GRID2: variants seen among roughly 807,000 people sequenced by gnomAD.
GRID2 encodes glutamate ionotropic receptor delta type subunit 2.
Under a neutral mutation model 114.8 loss-of-function variants are expected in GRID2, and 33 were observed. That is an observed-to-expected ratio of 0.29 (90% CI 0.22 to 0.38). The LOEUF (loss-of-function observed/expected upper bound fraction) is 0.38, where lower values mean the gene tolerates loss of function less well. GRID2 is among the 10% of genes least tolerant of loss of function. The pLI is 1.00. For missense variants in GRID2, 1,184 were observed against 1,257.7 expected (o/e 0.94, Z 0.89); for synonymous variants, 505 against 449.9 (o/e 1.12, Z -1.55).
intron 2 of GRID2, among the ~76,000 whole-genome samples, chr4:92,781,768 G>A (rs74567883): frequency 0.01 from 1,517 of 151,530 alleles, 33 homozygotes; most frequent in African/African-American, 0.034. Context: ...ATATTTTTAC[G>A]CGTTACAATT....
intron 9 of GRID2, among the ~76,000 whole-genome samples, chr4:93,421,817 A>G (rs188816675): frequency 5.3e-5 from 8 of 149,968 alleles, no homozygotes; most frequent in Admixed American, 4.7e-4. Context: ...TATGAAGGCT[A>G]TTTTGTGAAT....
At chr4:93,756,933 G>T (rs1469899213) in intron 14 of GRID2, among the ~76,000 whole-genome samples, 1 of 152,114 alleles carries the variant, frequency 6.6e-6, no homozygotes, top group Non-Finnish European at 1.5e-5. Context: ...TGCATCAGAA[G>T]AAAAACATGC....
chr4:93,677,162 A>C (rs1724964954), intron 14 of GRID2, among the ~76,000 whole-genome samples: 3 of 152,164 alleles, frequency 2.0e-5, no homozygotes, highest in Admixed American at 6.5e-5. Context: ...ATGCCCACGG[A>C]GGCTCGCTGA....
chr4:92,848,765 A>G (rs565510000), intron 2 of GRID2, among the ~76,000 whole-genome samples: 1 of 152,040 alleles, frequency 6.6e-6, no homozygotes, highest in African/African-American at 2.4e-5. Flanking sequence ...TTAAGTTTAA[A>G]TGACACAGTT....
chr4:93,453,351 AGAGAGAGAGTGT>A (rs1034632756), intron 10 of GRID2, among the ~76,000 whole-genome samples: 2 of 108,028 alleles, frequency 1.9e-5, no homozygotes, highest in African/African-American at 5.8e-5. Flanking sequence ...AGAGAGAGAG[AGAGAGAGAGTGT>A]GTGTATTTGT....
At chr4:93,528,467 T>C (rs980990480) in intron 13 of GRID2, among the ~76,000 whole-genome samples, 2 of 151,976 alleles carry the variant, frequency 1.3e-5, no homozygotes, top group Non-Finnish European at 2.9e-5. Context: ...TTTTTGATAG[T>C]AGCCATCCTA....
intron 3 of GRID2, among the ~76,000 whole-genome samples, chr4:93,099,566 G>C (rs1292848905): frequency 6.6e-6 from 1 of 151,688 alleles, no homozygotes; most frequent in Non-Finnish European, 1.5e-5. Context: ...AGTATGCTGG[G>C]TAGATATGTA....
At chr4:92,730,453 A>G (rs948423884) in intron 2 of GRID2, among the ~76,000 whole-genome samples, 13 of 151,980 alleles carry the variant, frequency 8.6e-5, no homozygotes, top group African/African-American at 2.9e-4. Context: ...TAGATTAGGC[A>G]CACAAAAATT....
In GRID2 at chr4:93,123,079, C is replaced by T. The variant is rs922618138; in HGVS notation, c.735+12126C>T. Among the ~76,000 whole-genome samples, 21 of 151,898 alleles carry T rather than the reference C, an allele frequency of 1.4e-4. 1 individual carries two copies. In the South Asian group the frequency reaches 1.5e-3, roughly 11 times the overall value. ...CTGAACATGGAAACTAAGCAAAGAA[C>T]GGGTTTCCAATGAGTCTAAACTTCC... On this transcript the variant is annotated intron_variant, in intron 4 of 15. Transcript: ENST00000282020.
intron 8 of GRID2, among the ~76,000 whole-genome samples, chr4:93,394,671 C>T (rs1182897879): frequency 6.6e-6 from 1 of 151,950 alleles, no homozygotes; most frequent in East Asian, 1.9e-4. Flanking sequence ...AGATCTGTTA[C>T]ATTTTTAAGT....
rs150280751 is a variant in GRID2, at chr4:93,431,288, A to T, written c.1545+8320A>T. Among the ~76,000 whole-genome samples the T allele has an allele frequency of 2.9e-3, 440 of 152,292 alleles. 2 individuals carry two copies. The highest frequency in any genetic ancestry group is 1.0e-2 in the African/African-American group (414 of 41,568). ...GGAGGTATACATTTGGGAGTCAGCA[A>T]CCTGTGGGTGGTAGTTGAAATCATG... On this transcript the variant is annotated intron_variant, in intron 10 of 15. Transcript: ENST00000282020.
At chr4:93,206,321 G>T (rs1247865687) in intron 4 of GRID2, among the ~76,000 whole-genome samples, 1 of 151,790 alleles carries the variant, frequency 6.6e-6, no homozygotes, top group Non-Finnish European at 1.5e-5. Context: ...GTGATGCAAT[G>T]CACCTCTTAG....
At chr4:92,774,963 A>T (rs1738720266) in intron 2 of GRID2, among the ~76,000 whole-genome samples, 1 of 151,996 alleles carries the variant, frequency 6.6e-6, no homozygotes, top group South Asian at 2.1e-4. Context: ...TAATCTGTCC[A>T]TTATTTAGAG....
intron 4 of GRID2, among the ~76,000 whole-genome samples, chr4:93,126,911 A>C (rs1194082292): frequency 6.6e-6 from 1 of 152,040 alleles, no homozygotes; most frequent in Admixed American, 6.5e-5. Context: ...TGAAACAGTA[A>C]ATTTTTGTTC....
intron 1 of GRID2, among the ~76,000 whole-genome samples, chr4:92,561,113 T>C (rs1727085995): frequency 6.6e-6 from 1 of 152,210 alleles, no homozygotes; most frequent in Non-Finnish European, 1.5e-5. Context: ...TAGCACAGTC[T>C]TTCCCAAAAT....
chr4:92,604,919 G>A (rs976303838), intron 2 of GRID2, among the ~76,000 whole-genome samples: 1 of 152,020 alleles, frequency 6.6e-6, no homozygotes, highest in African/African-American at 2.4e-5. Flanking sequence ...ACCAAGTGGA[G>A]GTAATTGAAT....
intron 2 of GRID2, among the ~76,000 whole-genome samples, chr4:93,082,981 C>T (rs182123563): frequency 6.6e-6 from 1 of 152,234 alleles, no homozygotes; most frequent in East Asian, 1.9e-4. Flanking sequence ...TGTCATGTTA[C>T]ATGTGACAGA....
chr4:93,449,375 G>C (rs1722466357), intron 10 of GRID2, among the ~76,000 whole-genome samples: 1 of 152,110 alleles, frequency 6.6e-6, no homozygotes. Context: ...ATGAAAAACA[G>C]AGGTGATATT....
chr4:92,419,291 C>T (rs1291849772), intron 1 of GRID2, among the ~76,000 whole-genome samples: 2 of 152,002 alleles, frequency 1.3e-5, no homozygotes, highest in Non-Finnish European at 2.9e-5. Context: ...GTGATTTAAA[C>T]CTCCTAAAAC....
Sources: gnomAD v4.1 joint callset for allele counts (sites outside exome capture counted in the v4.1 genomes callset) on GRCh38, gnomAD v4.1.1 for gene constraint, MANE v1.5 for transcripts, NCBI Gene and HGNC (gene_info 2026-07-23, HGNC 2026-07-21) for gene names.